Variants in GBE1 observed in about 807,000 individuals in gnomAD.
The protein encoded by GBE1 is 1,4-alpha-glucan branching enzyme 1.
A neutral mutation model predicts 88.8 loss-of-function variants in GBE1; 70 were observed. The observed-to-expected ratio is 0.79, with a 90% CI of 0.65 to 0.96. GBE1 has a LOEUF of 0.96. GBE1 is among the 40% of genes least tolerant of loss of function. The probability of loss-of-function intolerance (pLI) is 0.00; values close to 1 mark genes in which losing one functional copy is unlikely to be tolerated. For synonymous variants in GBE1, 284 were observed against 300.1 expected (o/e 0.95, Z 0.56); for missense variants, 872 against 871.0 (o/e 1.00, Z -0.01).
At chr3:81,522,702 G>C (rs1290367319) in intron 14 of GBE1, among the ~76,000 whole-genome samples, 1 of 151,570 alleles carries the variant, frequency 6.6e-6, no homozygotes. Flanking sequence ...TTTACTACTT[G>C]TTAACAGAAA....
In GBE1 at chr3:81,761,412, G is replaced by A; in HGVS notation, c.106C>T (p.Pro36Ser). 6.2e-7 allele frequency: 1 copy of A among 1,613,462 alleles called. No homozygotes were observed. Among genetic ancestry groups the A allele is most frequent in the East Asian group, 2.2e-5 (1 of 44,830 alleles). Residue 36 changes from proline to serine, a missense_variant, in exon 1 of 16, where the codon CCG (proline) becomes TCG (serine). By Grantham distance (74) the Pro-to-Ser change is moderately conservative. Transcript: ENST00000429644. ...PELARLLEIDPYLKPYAVDFQ... is the reference protein window; with the variant it reads ...PELARLLEIDSYLKPYAVDFQ... ...TCCACGGCGTAGGGCTTCAAGTACG[G>A]GTCGATCTCCAGGAGTCTGGCCAGT... is the stretch of plus-strand genomic sequence containing the variant.
At chr3:81,710,131 T>C (rs996148283) in intron 1 of GBE1, among the ~76,000 whole-genome samples, 6 of 151,828 alleles carry the variant, frequency 4.0e-5, no homozygotes, top group African/African-American at 1.5e-4. Context: ...TCACACATCA[T>C]TAATCACAAA....
chr3:81,636,912 A>G (rs2107047391), intron 7 of GBE1, among the ~76,000 whole-genome samples: 1 of 152,296 alleles, frequency 6.6e-6, no homozygotes. Flanking sequence ...AAAAAAATTC[A>G]GTGCTTTGAA....
At chr3:81,603,453 G>A (rs554955643) in intron 7 of GBE1, among the ~76,000 whole-genome samples, 31 of 151,354 alleles carry the variant, frequency 2.0e-4, no homozygotes, top group Non-Finnish European at 4.1e-4. Flanking sequence ...TTGAAAAGAG[G>A]GTACCAGATT....
chr3:81,623,269 G>T (rs560117070), intron 7 of GBE1, among the ~76,000 whole-genome samples: 1 of 152,252 alleles, frequency 6.6e-6, no homozygotes, highest in South Asian at 2.1e-4. Flanking sequence ...CACTGCCCCT[G>T]CAGGGACTTC....
At chr3:81,490,726 C>T (rs1358498110) in intron 15 of GBE1, among the ~76,000 whole-genome samples, 1 of 152,036 alleles carries the variant, frequency 6.6e-6, no homozygotes, top group Non-Finnish European at 1.5e-5. Flanking sequence ...ACGTGAATGG[C>T]CCTGTTACTG....
intron 2 of GBE1, 70 bp from the exon 3 acceptor site, chr3:81,671,023 C>T: frequency 3.2e-6 from 2 of 630,532 alleles, no homozygotes; most frequent in Non-Finnish European, 5.2e-6. Flanking sequence ...TCAAGAAAAA[C>T]AAAATACTGC....
intron 2 of GBE1, among the ~76,000 whole-genome samples, chr3:81,694,401 T>C (rs762673942): frequency 9.2e-5 from 14 of 152,248 alleles, no homozygotes; most frequent in Non-Finnish European, 1.2e-4. Context: ...AAATCAGAAA[T>C]GGCTCTGGTG....
At chr3:81,571,904 T>A (rs1244434111) in intron 12 of GBE1, among the ~76,000 whole-genome samples, 3 of 152,172 alleles carry the variant, frequency 2.0e-5, no homozygotes, top group Non-Finnish European at 2.9e-5. Context: ...AGGTTATTTT[T>A]AAAAAAATTC....
At chr3:81,720,326 C>T (rs1168587286) in intron 1 of GBE1, among the ~76,000 whole-genome samples, 1 of 149,726 alleles carries the variant, frequency 6.7e-6, no homozygotes, top group Non-Finnish European at 1.5e-5. Context: ...TACACACACG[C>T]ACACACTGTG....
At chr3:81,671,203 G>T (rs1198505561) in intron 2 of GBE1, among the ~76,000 whole-genome samples, 1 of 152,096 alleles carries the variant, frequency 6.6e-6, no homozygotes. Flanking sequence ...ATTTTCAGTT[G>T]TGGTTTCAAC....
rs141790997 is a variant in GBE1 at position 81,525,933 on chromosome 3, T to C, written c.1934+9262A>G. Among the ~76,000 whole-genome samples, 60 of 152,192 alleles carry C rather than the reference T, an allele frequency of 3.9e-4. No individual in the cohort carries two copies. The East Asian group carries it at 9.5e-3, about 24-fold the overall frequency. Reference sequence around the variant, plus strand: ...TGATTCTTCTCTCTTTTCTTCTTTATTAGTCTTCCTAGCGGTCTATCAATT... The same window carrying C: ...TGATTCTTCTCTCTTTTCTTCTTTACTAGTCTTCCTAGCGGTCTATCAATT... On this transcript the variant is annotated intron_variant, in intron 14 of 15. Transcript: ENST00000429644.
At chr3:81,632,143 CT>C (rs796941236) in intron 7 of GBE1, among the ~76,000 whole-genome samples, 45 of 152,206 alleles carry the variant, frequency 3.0e-4, no homozygotes, top group African/African-American at 8.7e-4. Flanking sequence ...TGAACTCATT[CT>C]TTTTTTATGG....
At chr3:81,679,505 T>G (rs1400627069) in intron 2 of GBE1, among the ~76,000 whole-genome samples, 1 of 152,228 alleles carries the variant, frequency 6.6e-6, no homozygotes, top group African/African-American at 2.4e-5. Flanking sequence ...TTCCCTTCAG[T>G]GCATCTAGAA....
intron 1 of GBE1, among the ~76,000 whole-genome samples, chr3:81,713,563 A>AGTAC (rs1324461593): frequency 2.0e-5 from 3 of 152,332 alleles, no homozygotes; most frequent in Non-Finnish European, 4.4e-5. Context: ...AAATTAATAA[A>AGTAC]GTATTTATTA....
At chr3:81,670,266 A>C (rs1705171431) in intron 3 of GBE1, among the ~76,000 whole-genome samples, 1 of 152,170 alleles carries the variant, frequency 6.6e-6, no homozygotes, top group Non-Finnish European at 1.5e-5. Context: ...AAGCAGAGGG[A>C]GTGTGGAGGA....
At chr3:81,668,569 A>G (rs1391131820) in intron 3 of GBE1, among the ~76,000 whole-genome samples, 1 of 152,120 alleles carries the variant, frequency 6.6e-6, no homozygotes, top group Non-Finnish European at 1.5e-5. Context: ...GGTATTTTTC[A>G]TGCCTCCTAC....
intron 14 of GBE1, among the ~76,000 whole-genome samples, chr3:81,525,368 C>G (rs1199826393): frequency 6.6e-6 from 1 of 151,960 alleles, no homozygotes; most frequent in African/African-American, 2.4e-5. Context: ...GCCTTGCATC[C>G]CAGGGATGAA....
At chr3:81,718,394 T>C (rs1029685379) in intron 1 of GBE1, among the ~76,000 whole-genome samples, 1 of 152,218 alleles carries the variant, frequency 6.6e-6, no homozygotes, top group Non-Finnish European at 1.5e-5. Flanking sequence ...CTTACTATGT[T>C]CCAGGCATTG....
Sources: gnomAD v4.1 joint callset for allele counts (sites outside exome capture counted in the v4.1 genomes callset) on GRCh38, gnomAD v4.1.1 for gene constraint, MANE v1.5 for transcripts, NCBI Gene and HGNC (gene_info 2026-07-23, HGNC 2026-07-21) for gene names.